Variants in GRIK2 observed in about 807,000 individuals in gnomAD.
The protein encoded by GRIK2 is glutamate ionotropic receptor kainate type subunit 2, also known as glutamate receptor ionotropic, kainate 2.
GRIK2 carries 32 observed loss-of-function variants against 100.3 expected under a neutral mutation model. The observed-to-expected ratio is 0.32, with a 90% CI of 0.24 to 0.43. GRIK2 has a LOEUF of 0.43. Among genes scored for constraint, GRIK2 ranks in the 20% least tolerant of loss-of-function variants. GRIK2 has a pLI of 1.00. For synonymous variants in GRIK2, 417 were observed against 389.4 expected, an observed-to-expected ratio of 1.07 and a Z score of -0.83; for missense variants, 843 against 1,114.9, an observed-to-expected ratio of 0.76 and a Z score of 3.47.
At chr6:101,661,126 A>G (rs866346274) in intron 4 of GRIK2, among the ~76,000 whole-genome samples, 8 of 152,162 alleles carry the variant, frequency 5.3e-5, no homozygotes, top group Non-Finnish European at 7.4e-5. Context: ...TGTTTTATCT[A>G]TAAGCCCTGA....
chr6:101,831,465 A>G (rs1782689797), intron 10 of GRIK2, among the ~76,000 whole-genome samples: 1 of 152,098 alleles, frequency 6.6e-6, no homozygotes, highest in South Asian at 2.1e-4. Context: ...GGGATGGCAG[A>G]ATTCAGGCTT....
At chr6:101,638,694 G>T (rs2128323451) in intron 4 of GRIK2, among the ~76,000 whole-genome samples, 1 of 151,526 alleles carries the variant, frequency 6.6e-6, no homozygotes, top group East Asian at 1.9e-4. Context: ...TTGTGTGTGT[G>T]TATGTAGATC....
chr6:101,433,002 A>G (rs1274099978), intron 2 of GRIK2, among the ~76,000 whole-genome samples: 1 of 152,136 alleles, frequency 6.6e-6, no homozygotes, highest in African/African-American at 2.4e-5. Flanking sequence ...TGGTCAGGCC[A>G]AAAGAGACTC....
intron 7 of GRIK2, among the ~76,000 whole-genome samples, chr6:101,715,506 A>T (rs556050907): frequency 6.6e-6 from 1 of 151,784 alleles, no homozygotes; most frequent in South Asian, 2.1e-4. Flanking sequence ...ATAACAGCAC[A>T]GACACATAAA....
At chr6:101,575,664 A>G (rs965755627) in intron 2 of GRIK2, among the ~76,000 whole-genome samples, 1 of 152,046 alleles carries the variant, frequency 6.6e-6, no homozygotes, top group Non-Finnish European at 1.5e-5. Flanking sequence ...GGACTCTCTC[A>G]AAGACATGGT....
chr6:101,762,143 T>G (rs1257813822), intron 7 of GRIK2, among the ~76,000 whole-genome samples: 1 of 140,042 alleles, frequency 7.1e-6, no homozygotes, highest in Non-Finnish European at 1.5e-5. Context: ...CCTCCCTCCC[T>G]TCCTCTTCCT....
intron 2 of GRIK2, among the ~76,000 whole-genome samples, chr6:101,476,229 G>C (rs1426074887): frequency 3.3e-5 from 5 of 152,056 alleles, no homozygotes; most frequent in Non-Finnish European, 7.4e-5. Flanking sequence ...ACTATTTGGA[G>C]AACAAGCAGT....
intron 2 of GRIK2, among the ~76,000 whole-genome samples, chr6:101,502,719 T>C (rs1254559770): frequency 2.0e-5 from 3 of 151,830 alleles, no homozygotes; most frequent in African/African-American, 7.3e-5. Flanking sequence ...GGTGAATGGG[T>C]TCCAATTCAG....
chr6:101,760,086 G>T, intron 7 of GRIK2, among the ~76,000 whole-genome samples: 1 of 142,990 alleles, frequency 7.0e-6, no homozygotes. Context: ...AGCCAGGATG[G>T]TCTCGATCTC....
chr6:101,547,373 G>A (rs1344544178), intron 2 of GRIK2, among the ~76,000 whole-genome samples: 1 of 151,964 alleles, frequency 6.6e-6, no homozygotes, highest in African/African-American at 2.4e-5. Flanking sequence ...CAACGTGCAG[G>A]TTTGTTACAT....
intron 5 of GRIK2, among the ~76,000 whole-genome samples, chr6:101,678,758 G>T (rs1334156416): frequency 2.0e-5 from 3 of 152,192 alleles, no homozygotes; most frequent in African/African-American, 7.2e-5. Flanking sequence ...AGCTAGTCTG[G>T]CTTCATCCAA....
intron 2 of GRIK2, among the ~76,000 whole-genome samples, chr6:101,588,040 T>C (rs930779341): frequency 2.0e-5 from 3 of 152,012 alleles, no homozygotes; most frequent in African/African-American, 7.2e-5. Flanking sequence ...AATAAGAGGG[T>C]ATCATGGGTA....
At chr6:101,573,855 T>C (rs1777670390) in intron 2 of GRIK2, among the ~76,000 whole-genome samples, 2 of 152,100 alleles carry the variant, frequency 1.3e-5, no homozygotes, top group Non-Finnish European at 2.9e-5. Flanking sequence ...TGGGGGTGTT[T>C]TTCTTCTTTT....
intron 2 of GRIK2, among the ~76,000 whole-genome samples, chr6:101,528,779 T>C (rs1459801418): frequency 6.6e-6 from 1 of 152,206 alleles, no homozygotes; most frequent in Non-Finnish European, 1.5e-5. Flanking sequence ...TTCCTAATTA[T>C]GATATGTCCA....
At position 101,493,982 on chromosome 6, in the gene GRIK2, TATATAAAAA is replaced by T. The variant is rs1175581023; in HGVS notation, c.115+94591_115+94599del. Among the ~76,000 whole-genome samples the T allele has an allele frequency of 1.7e-3, 217 of 129,922 alleles. 1 individual carries two copies. The highest frequency in any genetic ancestry group is 5.2e-3 in the African/African-American group (204 of 38,916). 85.2% of individuals were successfully genotyped at this position (129,922 alleles called of 152,430 possible). ...TATATTTTATATATAATTTATATATTATATAAAAATTATAAAAATGTATATATTATATAT... is the reference window on the plus strand; with the variant it reads ...TATATTTTATATATAATTTATATATTTTATAAAAATGTATATATTATATAT... On this transcript the variant is annotated intron_variant, in intron 2 of 16. Coordinates refer to ENST00000369134, the MANE Select transcript of GRIK2 (RefSeq NM_021956.5).
intron 14 of GRIK2, among the ~76,000 whole-genome samples, chr6:102,005,901 A>G (rs1307482259): frequency 6.6e-6 from 1 of 151,722 alleles, no homozygotes; most frequent in African/African-American, 2.4e-5. Context: ...CTCTTTGGCC[A>G]CCTTCTCTGT....
intron 14 of GRIK2, among the ~76,000 whole-genome samples, chr6:102,011,881 C>A (rs1458112692): frequency 1.3e-5 from 2 of 152,254 alleles, no homozygotes; most frequent in East Asian, 3.9e-4. Context: ...GCCACCACGC[C>A]AGGCCCAAGT....
chr6:101,748,499 AT>A (rs1776585292), intron 7 of GRIK2, among the ~76,000 whole-genome samples: 1 of 152,074 alleles, frequency 6.6e-6, no homozygotes, highest in African/African-American at 2.4e-5. Context: ...TTGGTAAAAA[AT>A]GGTTGATATT....
rs185314393 is a variant in GRIK2 at position 101,919,446 on chromosome 6, A to G, written c.1749-5155A>G. Among the ~76,000 whole-genome samples, 132 of 151,984 alleles carry G rather than the reference A, an allele frequency of 8.7e-4. 1 individual carries two copies. Among genetic ancestry groups the G allele is most frequent in the African/African-American group, 3.1e-3 (128 of 41,550 alleles). On this transcript the variant is annotated intron_variant, in intron 12 of 16. Transcript: ENST00000369134. ...AGAGAAGTGACACATCAATTTAGAA[A>G]AGGAGAAATTGGGAAACAGAGATAA...
Sources: allele counts gnomAD v4.1 joint callset (sites outside exome capture counted in the v4.1 genomes callset), GRCh38; gene constraint gnomAD v4.1.1; transcripts MANE v1.5; gene names NCBI Gene and HGNC (gene_info 2026-07-23, HGNC 2026-07-21).